SESTD1: variants seen among roughly 807,000 people sequenced by gnomAD.
SESTD1 encodes SEC14 domain and spectrin repeat-containing protein 1.
SESTD1 carries 43 observed loss-of-function variants against 101.7 expected under a neutral mutation model. The observed-to-expected ratio is 0.42, with a 90% CI of 0.33 to 0.55. SESTD1 has a LOEUF of 0.55. Ranked by LOEUF, SESTD1 falls within the 20% of genes least tolerant of loss-of-function variation. The pLI is 0.07. For synonymous variants in SESTD1, 283 were observed against 286.8 expected (o/e 0.99, Z 0.13); for missense variants, 647 against 815.1 (o/e 0.79, Z 2.51).
intron 5 of SESTD1, among the ~76,000 whole-genome samples, chr2:179,162,101 T>G (rs1227182225): frequency 6.6e-6 from 1 of 152,194 alleles, no homozygotes; most frequent in African/African-American, 2.4e-5. Flanking sequence ...GGTTTGTTAT[T>G]CACCAGTGGT....
chr2:179,221,100 A>G (rs1345137967), intron 1 of SESTD1, among the ~76,000 whole-genome samples: 5 of 152,188 alleles, frequency 3.3e-5, no homozygotes, highest in Non-Finnish European at 7.3e-5. Flanking sequence ...TTTTGGCACT[A>G]AATTTTTTTG....
intron 1 of SESTD1, among the ~76,000 whole-genome samples, chr2:179,235,700 C>T (rs1354354828): frequency 6.6e-6 from 1 of 152,204 alleles, no homozygotes; most frequent in Non-Finnish European, 1.5e-5. Flanking sequence ...CCTTTACGCA[C>T]TTGCAAAATT....
At position 179,105,040 on chromosome 2, in the gene SESTD1, G is replaced by C. The variant is rs1303575151; in HGVS notation, c.*4859C>G. The C allele has an allele frequency of 1.3e-5, 2 of 152,064 alleles. No individual in the cohort carries two copies. Among genetic ancestry groups the C allele is most frequent in the Non-Finnish European group, 2.9e-5 (2 of 68,016 alleles). The allele number at this position is 152,064 out of a possible 1,614,324, so 9.4% of individuals were successfully genotyped here. On this transcript the variant is annotated 3_prime_UTR_variant, in exon 18 of 18. Coordinates refer to ENST00000428443, the MANE Select transcript of SESTD1 (RefSeq NM_178123.5). ...TCCCCTGTATTTATGCCAGCTCACG[G>C]AGTGTCCTTAGTTCTATGCCTCTAT... is the stretch of plus-strand genomic sequence containing the variant.
chr2:179,115,605 G>T, intron 15 of SESTD1, among the ~76,000 whole-genome samples: 1 of 151,872 alleles, frequency 6.6e-6, no homozygotes. Context: ...AAAATTAGTT[G>T]AGTTTGGCCA....
chr2:179,167,795 C>T (rs577173947), intron 5 of SESTD1, among the ~76,000 whole-genome samples: 1 of 152,200 alleles, frequency 6.6e-6, no homozygotes, highest in South Asian at 2.1e-4. Flanking sequence ...CAGGGTCTCA[C>T]TCTGTTGCCC....
intron 10 of SESTD1, among the ~76,000 whole-genome samples, chr2:179,125,527 T>C (rs972080101): frequency 6.6e-6 from 1 of 152,162 alleles, no homozygotes; most frequent in Admixed American, 6.6e-5. Context: ...CTCTCTCTCT[T>C]TTCCCTCACA....
chr2:179,241,803 T>C (rs1474131295), intron 1 of SESTD1, among the ~76,000 whole-genome samples: 2 of 151,720 alleles, frequency 1.3e-5, no homozygotes, highest in African/African-American at 4.8e-5. Flanking sequence ...GTACCTGTAG[T>C]CCCAGCTACT....
intron 9 of SESTD1, among the ~76,000 whole-genome samples, chr2:179,135,332 T>C (rs1462867942): frequency 6.6e-6 from 1 of 152,226 alleles, no homozygotes; most frequent in African/African-American, 2.4e-5. Flanking sequence ...TTGAATACAT[T>C]GCAAATGTTT....
At chr2:179,149,150 A>G (rs1213803203) in intron 7 of SESTD1, 147 bp downstream of exon 7, 1 of 554,404 alleles carries the variant, frequency 1.8e-6, no homozygotes, top group Non-Finnish European at 3.1e-6. Flanking sequence ...AGCAAATTCA[A>G]ATTCTCACGA....
chr2:179,246,757 C>T (rs1249781406), intron 1 of SESTD1, among the ~76,000 whole-genome samples: 1 of 152,202 alleles, frequency 6.6e-6, no homozygotes, highest in Admixed American at 6.5e-5. Flanking sequence ...AATCTCTTCT[C>T]CGACCAATAT....
chr2:179,208,853 T>C (rs2046619028), intron 1 of SESTD1, among the ~76,000 whole-genome samples: 1 of 134,542 alleles, frequency 7.4e-6, no homozygotes, highest in Admixed American at 7.2e-5. Flanking sequence ...GCTTGATGAA[T>C]AGAATAGTAC....
intron 1 of SESTD1, among the ~76,000 whole-genome samples, chr2:179,219,496 T>C (rs1029843483): frequency 6.6e-6 from 1 of 152,248 alleles, no homozygotes; most frequent in Non-Finnish European, 1.5e-5. Context: ...TGGCCTTGCA[T>C]TTCCAGAAGA....
chr2:179,217,392 C>T (rs1319146923), intron 1 of SESTD1, among the ~76,000 whole-genome samples: 1 of 152,230 alleles, frequency 6.6e-6, no homozygotes, highest in Non-Finnish European at 1.5e-5. Flanking sequence ...CTCATCATCA[C>T]TGGCCATCAG....
At chr2:179,255,665 G>A (rs1028578888) in intron 1 of SESTD1, among the ~76,000 whole-genome samples, 4 of 152,230 alleles carry the variant, frequency 2.6e-5, no homozygotes, top group African/African-American at 9.6e-5. Context: ...AGAAGCTGCA[G>A]TATGTTATCA....
intron 1 of SESTD1, among the ~76,000 whole-genome samples, chr2:179,243,578 T>C (rs2047185455): frequency 1.3e-5 from 2 of 152,028 alleles, no homozygotes; most frequent in East Asian, 1.9e-4. Flanking sequence ...TATGTAGCCA[T>C]AAAAAAGAAG....
In SESTD1 at chr2:179,102,128, T is replaced by C. The variant is rs924231029; in HGVS notation, c.*7771A>G. On this transcript the variant is annotated 3_prime_UTR_variant, in exon 18 of 18. Transcript: ENST00000428443. ...GTAGGAACAATGGAAATTTCACCAC[T>C]GTCTATTATGGTGAGAACCTATTTC... is the stretch of plus-strand genomic sequence containing the variant. 6.6e-6 allele frequency: 1 copy of C among 152,164 alleles called. No individual in the cohort carries two copies. The highest frequency in any genetic ancestry group is 2.4e-5 in the African/African-American group (1 of 41,446). 9.4% of individuals were successfully genotyped at this position (152,164 alleles called of 1,614,324 possible). A position where few individuals can be genotyped will look rare whatever the true frequency, so the allele number is the denominator to read the frequency against.
intron 1 of SESTD1, among the ~76,000 whole-genome samples, chr2:179,198,302 A>C (rs1205868865): frequency 6.6e-6 from 1 of 152,162 alleles, no homozygotes; most frequent in Admixed American, 6.5e-5. Context: ...CAGATTCATA[A>C]AGCAAGTACT....
chr2:179,132,664 A>T (rs1041046024), intron 9 of SESTD1, among the ~76,000 whole-genome samples: 1 of 152,248 alleles, frequency 6.6e-6, no homozygotes, highest in African/African-American at 2.4e-5. Context: ...CAGCTATCTG[A>T]TTATCTTTCA....
intron 13 of SESTD1, among the ~76,000 whole-genome samples, chr2:179,119,930 T>G (rs2044710879): frequency 6.6e-6 from 1 of 152,164 alleles, no homozygotes; most frequent in African/African-American, 2.4e-5. Flanking sequence ...CCTCTTTTCT[T>G]TAAAAATTAC....
Sources: allele counts gnomAD v4.1 joint callset (sites outside exome capture counted in the v4.1 genomes callset), GRCh38; gene constraint gnomAD v4.1.1; transcripts MANE v1.5; gene names NCBI Gene and HGNC (gene_info 2026-07-23, HGNC 2026-07-21).